Variants in POLR1F observed in about 807,000 individuals in gnomAD.
POLR1F encodes the protein DNA-directed RNA polymerase I subunit RPA43.
A neutral mutation model predicts 21.8 loss-of-function variants in POLR1F; 23 were observed. That is an observed-to-expected ratio of 1.05 (90% CI 0.76 to 1.49). The LOEUF (loss-of-function observed/expected upper bound fraction) is 1.49, where lower values mean the gene tolerates loss of function less well. Ranked by LOEUF, POLR1F falls within the 40% of genes most tolerant of loss-of-function variation. The pLI is 0.00. For missense variants in POLR1F, 435 were observed against 412.1 expected (o/e 1.06, Z -0.48); for synonymous variants, 162 against 152.8 (o/e 1.06, Z -0.45).
Position 19,698,483 on chromosome 7 carries a change from G to A in POLR1F, c.850C>T (p.His284Tyr), listed in dbSNP as rs971344060. 2 of 1,611,746 alleles carry A rather than the reference G, an allele frequency of 1.2e-6. No individual in the cohort carries two copies. The highest frequency in any genetic ancestry group is 2.7e-5 in the African/African-American group (2 of 74,562). Residue 284 changes from histidine (H) to tyrosine (Y), a missense_variant, in exon 4 of 4, where the codon CAC (histidine) becomes TAC (tyrosine). Physicochemically the swap from His to Tyr is moderately conservative, Grantham distance 83 (BLOSUM62 2). Transcript: ENST00000222567. ...GGGTCCTGGTCCTGAACTTCCTGGT[G>A]CTTTTTCTTCTTCTTCTTTTTCTTT... is the stretch of plus-strand genomic sequence containing the variant. ...EPKKKKKKKK[H>Y]QEVQDQDPVF...
chr7:19,705,520 C>A (rs1158617114), intron 1 of POLR1F: 1 of 152,484 alleles, frequency 6.6e-6, no homozygotes, highest in African/African-American at 2.4e-5. Flanking sequence ...CAGTACTTGA[C>A]GGCGTATAAC....
chr7:19,704,768 G>T lies in POLR1F; in HGVS notation c.396+11C>A. ...TATACAAAGGGAGCTAGAAAAAAGT[G>T]ATACACATACCATAAGCTTCTGCCC... is the stretch of plus-strand genomic sequence containing the variant. On this transcript the variant is annotated intron_variant, in intron 2 of 3. Coordinates refer to ENST00000222567, the MANE Select transcript of POLR1F (RefSeq NM_001002926.2). The T allele has an allele frequency of 5.7e-6, 9 of 1,578,390 alleles. No individual in the cohort carries two copies. Among genetic ancestry groups the T allele is most frequent in the Non-Finnish European group, 7.7e-6 (9 of 1,170,244 alleles).
At chr7:19,700,609 C>T (rs1161140589) in intron 2 of POLR1F, among the ~76,000 whole-genome samples, 2 of 152,168 alleles carry the variant, frequency 1.3e-5, no homozygotes, top group Non-Finnish European at 2.9e-5. Context: ...CATCTCAACT[C>T]CCCACTGCAG....
chr7:19,702,876 G>T (rs1156843703), intron 2 of POLR1F, among the ~76,000 whole-genome samples: 1 of 152,160 alleles, frequency 6.6e-6, no homozygotes, highest in African/African-American at 2.4e-5. Flanking sequence ...AATAGCAAAT[G>T]TTAATAACGA....
intron 1 of POLR1F, among the ~76,000 whole-genome samples, chr7:19,707,883 T>C (rs1466641692): frequency 1.3e-5 from 2 of 152,140 alleles, no homozygotes; most frequent in Non-Finnish European, 2.9e-5. Context: ...CCAGGATCCC[T>C]TAAGAAACTG....
At chr7:19,706,136 C>A (rs80081920) in intron 1 of POLR1F, among the ~76,000 whole-genome samples, 2,935 of 152,238 alleles carry the variant, frequency 0.019, 49 homozygotes, top group South Asian at 0.063. Flanking sequence ...TTATCCCTAA[C>A]AGATGTTGTT....
intron 2 of POLR1F, among the ~76,000 whole-genome samples, chr7:19,702,330 T>C (rs1417375384): frequency 6.6e-6 from 1 of 152,048 alleles, no homozygotes; most frequent in Non-Finnish European, 1.5e-5. Flanking sequence ...AAAGAAAAGG[T>C]TTTTTAATAT....
chr7:19,699,396 TTA>T (rs1783420981), intron 3 of POLR1F, among the ~76,000 whole-genome samples: 1 of 152,164 alleles, frequency 6.6e-6, no homozygotes, highest in Non-Finnish European at 1.5e-5. Context: ...TCAGTCAGAC[TTA>T]GTCATATTTC....
At chr7:19,700,752 C>T (rs1783437745) in intron 2 of POLR1F, among the ~76,000 whole-genome samples, 1 of 152,160 alleles carries the variant, frequency 6.6e-6, no homozygotes, top group Admixed American at 6.5e-5. Flanking sequence ...GACCAAATTT[C>T]AAAGCTTAAA....
At chr7:19,704,708 C>G in intron 2 of POLR1F, 71 bp downstream of exon 2, 6 of 1,367,416 alleles carry the variant, frequency 4.4e-6, no homozygotes, top group Non-Finnish European at 5.0e-6. Flanking sequence ...TATATATTAT[C>G]TCTTAAAATG....
At position 19,698,345 on chromosome 7, in the gene POLR1F, T is replaced by C; in HGVS notation, c.988A>G (p.Lys330Glu). 6.4e-7 allele frequency: 1 copy of C among 1,572,220 alleles called. No individual in the cohort carries two copies. Among genetic ancestry groups the C allele is most frequent in the Non-Finnish European group, 8.6e-7 (1 of 1,168,788 alleles). ...AGAAAATTACTTTTCCCTTTTCTTT[T>C]TGGTGAGCATTTCAAAGGTGGGGTA... Reference protein sequence around the residue: ...EFTPPLKCSPKRKGKSNFL With the variant: ...EFTPPLKCSPERKGKSNFL Residue 330 changes from lysine to glutamate, a missense_variant, in exon 4 of 4, where the codon AAA becomes GAA. Transcript: ENST00000222567.
At chr7:19,705,321 A>G (rs575522250) in intron 1 of POLR1F, 5 of 157,088 alleles carry the variant, frequency 3.2e-5, no homozygotes, top group African/African-American at 1.2e-4. Context: ...AAAATGCCCA[A>G]TTAATGCATT....
At position 19,697,130 on chromosome 7, in the gene POLR1F, A is replaced by T. The variant is rs753755378; in HGVS notation, c.*1186T>A. On this transcript the variant is annotated 3_prime_UTR_variant, in exon 4 of 4. Coordinates refer to ENST00000222567, the MANE Select transcript of POLR1F (RefSeq NM_001002926.2). ...ATGGCAACAAAAATGCTGACATGGG[A>T]GTTCAACCATTCATGCATTTGCAGA... is the stretch of plus-strand genomic sequence containing the variant. 6.6e-5 allele frequency: 10 copies of T among 152,184 alleles called. No individual in the cohort carries two copies. Among genetic ancestry groups the T allele is most frequent in the African/African-American group, 9.6e-5 (4 of 41,468 alleles). The allele number at this position is 152,184 out of a possible 1,614,324, so 9.4% of individuals were successfully genotyped here.
chr7:19,704,987 A>G (rs1783500796), intron 1 of POLR1F, 67 bp from the exon 2 acceptor site: 3 of 1,496,860 alleles, frequency 2.0e-6, no homozygotes, highest in Non-Finnish European at 2.7e-6. Flanking sequence ...TTTTGGAGAC[A>G]GGGTCTTGCT....
At position 19,700,743 on chromosome 7, in the gene POLR1F, A is replaced by G. The variant is rs547730522; in HGVS notation, c.397-463T>C. 2.6e-5 allele frequency among the ~76,000 whole-genome samples: 4 copies of G among 152,302 alleles called. No homozygotes were observed. The South Asian group carries it at 8.3e-4, about 32-fold the overall frequency. ...ATCCATGTTACGTTTCTGTAAATAGACCAAATTTCAAAGCTTAAAAATGCA... is the reference window on the plus strand; with the variant it reads ...ATCCATGTTACGTTTCTGTAAATAGGCCAAATTTCAAAGCTTAAAAATGCA... On this transcript the variant is annotated intron_variant, in intron 2 of 3. Coordinates refer to ENST00000222567, the MANE Select transcript of POLR1F (RefSeq NM_001002926.2).
rs1031224867 is a variant in POLR1F at position 19,697,512 on chromosome 7, C to T, written c.*804G>A. 1 of 152,176 alleles carries T rather than the reference C, an allele frequency of 6.6e-6. No homozygotes were observed. The highest frequency in any genetic ancestry group is 1.5e-5 in the Non-Finnish European group (1 of 68,008). 9.4% of individuals were successfully genotyped at this position (152,176 alleles called of 1,614,324 possible). On this transcript the variant is annotated 3_prime_UTR_variant, in exon 4 of 4. Transcript: ENST00000222567. ...AACTGTTTTCTCTTCAGCACAATAT[C>T]TTATAGCCCATTCCAATCATTAAAA...
At chr7:19,699,296 G>C (rs901465729) in intron 3 of POLR1F, among the ~76,000 whole-genome samples, 2 of 152,146 alleles carry the variant, frequency 1.3e-5, no homozygotes, top group Non-Finnish European at 2.9e-5. Flanking sequence ...CGATGAAGTA[G>C]CTTTCTCTCC....
At chr7:19,707,991 C>A (rs1315659237) in intron 1 of POLR1F, among the ~76,000 whole-genome samples, 1 of 152,108 alleles carries the variant, frequency 6.6e-6, no homozygotes, top group African/African-American at 2.4e-5. Flanking sequence ...AGTTTTAGAA[C>A]CCCGCTTTTA....
intron 1 of POLR1F, among the ~76,000 whole-genome samples, chr7:19,708,562 A>G (rs1256717454): frequency 2.0e-5 from 3 of 152,094 alleles, no homozygotes; most frequent in African/African-American, 7.2e-5. Flanking sequence ...TTTCTTCTCT[A>G]TCTATGAAAG....
Sources: allele counts gnomAD v4.1 joint callset (sites outside exome capture counted in the v4.1 genomes callset), GRCh38; gene constraint gnomAD v4.1.1; transcripts MANE v1.5; gene names NCBI Gene and HGNC (gene_info 2026-07-23, HGNC 2026-07-21).